The following SASH1 variants were observed in gnomAD, a reference collection of about 807,000 sequenced individuals.
SASH1 encodes the protein SAM and SH3 domain containing 1, also known as SAM and SH3 domain-containing protein 1.
Under a neutral mutation model 125.2 loss-of-function variants are expected in SASH1, and 44 were observed. The ratio of observed to expected loss-of-function variants is 0.35; its 90% CI spans 0.28 to 0.45. SASH1 has a LOEUF of 0.45. SASH1 is among the 20% of genes least tolerant of loss of function. The pLI is 1.00. For synonymous variants in SASH1, 639 were observed against 649.1 expected, an observed-to-expected ratio of 0.98 and a Z score of 0.24; for missense variants, 1,426 against 1,614.5, an observed-to-expected ratio of 0.88 and a Z score of 2.00.
At chr6:148,425,353 G>T (rs1378317766) in intron 2 of SASH1, among the ~76,000 whole-genome samples, 1 of 152,162 alleles carries the variant, frequency 6.6e-6, no homozygotes, top group Non-Finnish European at 1.5e-5. Flanking sequence ...TTACATTCTT[G>T]AAATAGAAAT....
At chr6:148,522,327 CAT>C (rs1780869021) in intron 10 of SASH1, among the ~76,000 whole-genome samples, 1 of 91,678 alleles carries the variant, frequency 1.1e-5, no homozygotes, top group Admixed American at 9.8e-5. Context: ...AGTGTTCTAT[CAT>C]CTTACAATAG....
the SASH1 span, among the ~76,000 whole-genome samples, chr6:148,267,080 T>C: frequency 6.6e-6 from 1 of 152,194 alleles, no homozygotes; most frequent in African/African-American, 2.4e-5. Flanking sequence ...CTAGTTCGCT[T>C]ACCTGTAAAG....
At chr6:148,396,295 A>G (rs1223165172) in intron 2 of SASH1, among the ~76,000 whole-genome samples, 2 of 152,092 alleles carry the variant, frequency 1.3e-5, no homozygotes, top group African/African-American at 2.4e-5. Context: ...CCTGGCTAAC[A>G]TGGTGAAACT....
chr6:148,415,777 T>C (rs1024376592), intron 2 of SASH1, among the ~76,000 whole-genome samples: 4 of 152,188 alleles, frequency 2.6e-5, no homozygotes, highest in Non-Finnish European at 2.9e-5. Flanking sequence ...GGCTCTGTCA[T>C]TGGAGTTTAA....
chr6:148,322,242 T>C (rs1025248708), intron 1 of SASH1, among the ~76,000 whole-genome samples: 1 of 152,030 alleles, frequency 6.6e-6, no homozygotes. Context: ...TCCCAGCTAC[T>C]TGGGAGGCTG....
intron 9 of SASH1, among the ~76,000 whole-genome samples, chr6:148,515,141 C>G (rs969948497): frequency 3.9e-5 from 6 of 152,086 alleles, no homozygotes; most frequent in Non-Finnish European, 8.8e-5. Flanking sequence ...TAGTAATGTG[C>G]CTCTTTGCAG....
intron 1 of SASH1, among the ~76,000 whole-genome samples, chr6:148,327,575 G>A (rs372909176): frequency 8.0e-5 from 12 of 150,538 alleles, no homozygotes; most frequent in East Asian, 2.0e-4. Flanking sequence ...GAGCCACTGC[G>A]CCCGGCCAGA....
the SASH1 span, among the ~76,000 whole-genome samples, chr6:148,205,027 T>A: frequency 6.6e-6 from 1 of 152,222 alleles, no homozygotes; most frequent in Admixed American, 6.5e-5. Context: ...TGCTTTGTCC[T>A]GTTCTCCTCA....
At chr6:148,427,900 T>A (rs925986534) in intron 2 of SASH1, among the ~76,000 whole-genome samples, 4 of 152,218 alleles carry the variant, frequency 2.6e-5, no homozygotes, top group Admixed American at 2.0e-4. Context: ...ATCTCAGACC[T>A]AATTTCAGCT....
At chr6:148,478,604 A>C (rs1218893073) in intron 7 of SASH1, 1 of 152,256 alleles carries the variant, frequency 6.6e-6, no homozygotes, top group Non-Finnish European at 1.5e-5. Flanking sequence ...AATGAATAAC[A>C]TCTAGGATTT....
the SASH1 span, among the ~76,000 whole-genome samples, chr6:148,216,088 A>G: frequency 6.6e-6 from 1 of 152,220 alleles, no homozygotes; most frequent in Admixed American, 6.5e-5. Context: ...TGAACTCCTG[A>G]CCTCAAGTGA....
chr6:148,283,917 A>G (rs1200344932), intron 1 of SASH1, among the ~76,000 whole-genome samples: 1 of 137,180 alleles, frequency 7.3e-6, no homozygotes, highest in Non-Finnish European at 1.6e-5. Flanking sequence ...GGGAAATATC[A>G]TATCTATGTA....
upstream of SASH1, among the ~76,000 whole-genome samples, chr6:148,268,344 C>G (rs1274080808): frequency 6.6e-6 from 1 of 152,130 alleles, no homozygotes; most frequent in Non-Finnish European, 1.5e-5. Flanking sequence ...GGAAATATTG[C>G]ACAGTTCTAT....
chr6:148,387,204 G>A (rs1037788661), intron 1 of SASH1, among the ~76,000 whole-genome samples: 1 of 143,102 alleles, frequency 7.0e-6, no homozygotes, highest in East Asian at 2.3e-4. Context: ...TGCAGCCTCC[G>A]CCTTCTGGTT....
chr6:148,399,845 G>A (rs544986585), intron 2 of SASH1, among the ~76,000 whole-genome samples: 2 of 152,286 alleles, frequency 1.3e-5, no homozygotes, highest in African/African-American at 4.8e-5. Flanking sequence ...TTTGGAGTCA[G>A]GACCATTCAG....
intron 4 of SASH1, among the ~76,000 whole-genome samples, chr6:148,465,593 C>G (rs1039505826): frequency 6.7e-6 from 1 of 150,224 alleles, no homozygotes; most frequent in Non-Finnish European, 1.5e-5. Flanking sequence ...AGGGTGAGGA[C>G]AAAAATACAT....
intron 1 of SASH1, among the ~76,000 whole-genome samples, chr6:148,308,289 G>A (rs531938572): frequency 2.0e-5 from 3 of 147,788 alleles, no homozygotes; most frequent in Non-Finnish European, 4.5e-5. Context: ...CCCCAAAAAT[G>A]TATAATAATG....
rs187751764 is a variant in SASH1 at position 148,551,746 on chromosome 6, T to C, written c.*3188T>C. On this transcript the variant is annotated 3_prime_UTR_variant, in exon 20 of 20. Coordinates refer to ENST00000367467, the MANE Select transcript of SASH1 (RefSeq NM_015278.5). ...AGAAAAGAAACTGTCGAGCAAGTTA[T>C]ATAACAACTAACAACATTGCACTTT... 71 of 152,784 alleles carry C rather than the reference T, an allele frequency of 4.6e-4. No individual in the cohort carries two copies. The highest frequency in any genetic ancestry group is 1.5e-3 in the African/African-American group (64 of 41,594). 9.5% of individuals were successfully genotyped at this position (152,784 alleles called of 1,614,324 possible). A position where few individuals can be genotyped will look rare whatever the true frequency, so the allele number is the denominator to read the frequency against.
At chr6:148,450,184 ATTGCTT>A (rs1447228146) in intron 4 of SASH1, among the ~76,000 whole-genome samples, 6 of 152,228 alleles carry the variant, frequency 3.9e-5, no homozygotes, top group African/African-American at 1.2e-4. Flanking sequence ...CATTCAAGAA[ATTGCTT>A]TTGGATTTAT....
Sources: gnomAD v4.1 joint callset for allele counts (sites outside exome capture counted in the v4.1 genomes callset) on GRCh38, gnomAD v4.1.1 for gene constraint, MANE v1.5 for transcripts, NCBI Gene and HGNC (gene_info 2026-07-23, HGNC 2026-07-21) for gene names.